The following CENPE variants were observed in gnomAD, a reference collection of about 807,000 sequenced individuals.
The protein encoded by CENPE is centromere-associated protein E.
A neutral mutation model predicts 336.1 loss-of-function variants in CENPE; 145 were observed. The observed-to-expected ratio is 0.43, with a 90% confidence interval of 0.38 to 0.50. The LOEUF is 0.50. Ranked by LOEUF, CENPE falls within the 20% of genes least tolerant of loss-of-function variation. CENPE has a pLI of 0.00. For synonymous variants in CENPE, 1,013 were observed against 984.8 expected (o/e 1.03, Z -0.54); for missense variants, 2,719 against 3,023.3 (o/e 0.90, Z 2.36).
Position 103,174,784 on chromosome 4 carries a change from A to G in CENPE, c.1599T>C (p.Asp533=), listed in dbSNP as rs751019979. Residue 533 remains aspartate, a synonymous_variant, in exon 16 of 49, where the codon GAT becomes GAC. Transcript: ENST00000265148. ...EMELKLKEKN[D]LDEFEALERK... ...TTTCTAGAGCCTCAAATTCATCCAA[A>G]TCATTCTTTTCTTTTAATTTCAATT... 4 of 1,555,742 alleles carry G rather than the reference A, an allele frequency of 2.6e-6. No individual in the cohort carries two copies. Among genetic ancestry groups the G allele is most frequent in the Non-Finnish European group, 3.5e-6 (4 of 1,151,700 alleles).
At chr4:103,122,793 T>C (rs1173594040) in intron 43 of CENPE, 78 bp downstream of exon 43, 1 of 1,046,108 alleles carries the variant, frequency 9.6e-7, no homozygotes, top group Non-Finnish European at 1.5e-6. Flanking sequence ...TGTTCAGTAA[T>C]AAGTAAATAC....
chr4:103,115,921 C>A (rs1022608516), intron 45 of CENPE, among the ~76,000 whole-genome samples: 8 of 151,886 alleles, frequency 5.3e-5, no homozygotes, highest in Middle Eastern at 3.4e-3. Flanking sequence ...TTAGTAGAGG[C>A]GGGGTTTCAC....
intron 46 of CENPE, 43 bp from the exon 47 acceptor site, chr4:103,111,054 C>A: frequency 1.4e-6 from 2 of 1,388,516 alleles, no homozygotes; most frequent in South Asian, 2.8e-5. Flanking sequence ...TTTTAATTGT[C>A]TCCAAAGTTC....
chr4:103,159,445 G>A, intron 21 of CENPE, 121 bp from the exon 22 acceptor site: 1 of 574,402 alleles, frequency 1.7e-6, no homozygotes, highest in Non-Finnish European at 2.9e-6. Flanking sequence ...AAATTTGACT[G>A]TGGAAAGGCA....
intron 16 of CENPE, among the ~76,000 whole-genome samples, chr4:103,170,808 A>G (rs556950394): frequency 1.1e-3 from 160 of 152,308 alleles, no homozygotes; most frequent in African/African-American, 3.7e-3. Flanking sequence ...TTCACCTGTA[A>G]GGATACAAAT....
chr4:103,142,607 CAATCTT>C (rs1156309803), intron 34 of CENPE, among the ~76,000 whole-genome samples: 1 of 152,150 alleles, frequency 6.6e-6, no homozygotes, highest in Non-Finnish European at 1.5e-5. Flanking sequence ...GCTTCTGAGT[CAATCTT>C]AATTTCTGCG....
At position 103,177,003 on chromosome 4, in the gene CENPE, T is replaced by C; in HGVS notation, c.1286A>G (p.Asn429Ser). 2 of 1,609,122 alleles carry C rather than the reference T, an allele frequency of 1.2e-6. No individual in the cohort carries two copies. Among genetic ancestry groups the C allele is most frequent in the Non-Finnish European group, 1.7e-6 (2 of 1,178,424 alleles). Residue 429 changes from asparagine (N) to serine (S), a missense_variant, in exon 14 of 49, where the codon AAC becomes AGC. Transcript: ENST00000265148. ...TGCATAGTTTGAGTTCTTCATTTTG[T>C]TAATTTTGCCAAGGCACCAAGTAAC... ...RRVTWCLGKI[N>S]KMKNSNYADQ...
Position 103,140,413 on chromosome 4 carries a change from T to A in CENPE, c.5756A>T (p.Asp1919Val), listed in dbSNP as rs1185849188. 3 of 1,572,988 alleles carry A rather than the reference T, an allele frequency of 1.9e-6. No individual in the cohort carries two copies. The East Asian group carries it at 6.8e-5, about 36-fold the overall frequency. ...KESLQETKAR[D>V]LEIQQELKTA... Reference sequence around the variant, plus strand: ...TTTTAGTTCCTGTTGTATTTCCAGATCCTTTATGGTTAGAAGAAATCAAGA... The same window carrying A: ...TTTTAGTTCCTGTTGTATTTCCAGAACCTTTATGGTTAGAAGAAATCAAGA... The change falls in exon 37 of 49, where the codon GAT becomes GTT. Residue 1919 changes from aspartate (D) to valine (V), a missense_variant and splice_region_variant. This residue lies in a region of CENPE where 2,437 missense variants were observed against 2,513.3 expected (regional missense o/e 0.97). Coordinates refer to ENST00000265148, the MANE Select transcript of CENPE (RefSeq NM_001813.3).
At position 103,144,603 on chromosome 4, in the gene CENPE, C is replaced by T; in HGVS notation, c.4873G>A (p.Glu1625Lys). ...EIVAKMKESQ[E>K]KEYQFLKMTA... ...ATCTTAAGAAACTGATATTCTTTTT[C>T]TTGAGATTCTTTCATCTGAGAAAAT... is the stretch of plus-strand genomic sequence containing the variant. The change falls in exon 33 of 49, where the codon GAA becomes AAA. Residue 1625 changes from glutamate to lysine, a missense_variant. This residue lies in a region of CENPE where 2,437 missense variants were observed against 2,513.3 expected (regional missense o/e 0.97). Transcript: ENST00000265148. The T allele has an allele frequency of 6.2e-7, 1 of 1,603,374 alleles. No homozygotes were observed. Among genetic ancestry groups the T allele is most frequent in the East Asian group, 2.2e-5 (1 of 44,780 alleles).
chr4:103,189,963 T>C (rs1359821883), intron 8 of CENPE, among the ~76,000 whole-genome samples: 2 of 152,168 alleles, frequency 1.3e-5, no homozygotes, highest in Admixed American at 6.5e-5. Flanking sequence ...ACAAAATCAA[T>C]GTGCAAAAAT....
intron 1 of CENPE, among the ~76,000 whole-genome samples, chr4:103,197,629 G>A (rs1337439435): frequency 6.6e-6 from 1 of 152,234 alleles, no homozygotes; most frequent in African/African-American, 2.4e-5. Context: ...CCAGAAGCTA[G>A]TGAAGCAAAC....
intron 9 of CENPE, among the ~76,000 whole-genome samples, chr4:103,185,291 TGA>T (rs1756667532): frequency 6.9e-6 from 1 of 144,724 alleles, no homozygotes; most frequent in African/African-American, 2.6e-5. Flanking sequence ...GGAGACAGAG[TGA>T]GAGTCTGCCT....
At chr4:103,166,559 A>G (rs1358009846) in intron 16 of CENPE, among the ~76,000 whole-genome samples, 1 of 152,204 alleles carries the variant, frequency 6.6e-6, no homozygotes, top group African/African-American at 2.4e-5. Context: ...AATAATTTTA[A>G]TTTGTAGGTA....
At chr4:103,157,074 A>C (rs970422960) in intron 24 of CENPE, among the ~76,000 whole-genome samples, 3 of 151,780 alleles carry the variant, frequency 2.0e-5, no homozygotes, top group East Asian at 1.9e-4. Context: ...AAAAAAAAAA[A>C]AAAAAACAGA....
chr4:103,161,475 G>T lies in CENPE; in HGVS notation c.1843-18C>A, dbSNP rs747370826. ...ATGCTTTCCTAGACAGATGACAAAAGGGGTTCACTGAAATCTAATTTTCAC... is the reference window on the plus strand; with the variant it reads ...ATGCTTTCCTAGACAGATGACAAAATGGGTTCACTGAAATCTAATTTTCAC... On this transcript the variant is annotated intron_variant, in intron 18 of 48. Coordinates refer to ENST00000265148, the MANE Select transcript of CENPE (RefSeq NM_001813.3). The T allele has an allele frequency of 6.5e-7, 1 of 1,541,532 alleles. No individual in the cohort carries two copies. Among genetic ancestry groups the T allele is most frequent in the Non-Finnish European group, 8.7e-7 (1 of 1,150,464 alleles).
chr4:103,170,994 A>AAT (rs2125996625), intron 16 of CENPE, among the ~76,000 whole-genome samples: 1 of 152,302 alleles, frequency 6.6e-6, no homozygotes, highest in Non-Finnish European at 1.5e-5. Flanking sequence ...AACAATTGTA[A>AAT]ATATATATGC....
Position 103,149,005 on chromosome 4 carries a change from C to A in CENPE, c.3688-6G>T, listed in dbSNP as rs372954024. ...TCTTCTTTGGTTTGTAGGCCCTTGGCGAGTGAAATTTAAAGAATATTGTAA... is the reference window on the plus strand; with the variant it reads ...TCTTCTTTGGTTTGTAGGCCCTTGGAGAGTGAAATTTAAAGAATATTGTAA... On this transcript the variant is annotated splice_region_variant and splice_polypyrimidine_tract_variant and intron_variant, in intron 27 of 48. Transcript: ENST00000265148. The A allele has an allele frequency of 1.0e-5, 16 of 1,608,018 alleles. No individual in the cohort carries two copies. The African/African-American group carries it at 2.2e-4, about 22-fold the overall frequency.
At chr4:103,169,568 C>A (rs750319838) in intron 16 of CENPE, among the ~76,000 whole-genome samples, 1 of 152,078 alleles carries the variant, frequency 6.6e-6, no homozygotes, top group East Asian at 1.9e-4. Flanking sequence ...AAGGGAGTTC[C>A]ATTATGGTTA....
At chr4:103,128,991 G>T (rs1394186031) in intron 42 of CENPE, among the ~76,000 whole-genome samples, 2 of 151,944 alleles carry the variant, frequency 1.3e-5, no homozygotes, top group Non-Finnish European at 2.9e-5. Context: ...AAAAGAAAAA[G>T]AATACAAATT....
Sources: gnomAD v4.1 joint callset for allele counts (sites outside exome capture counted in the v4.1 genomes callset) on GRCh38, gnomAD v4.1.1 for gene constraint, gnomAD v4.1.1 regional missense constraint, MANE v1.5 for transcripts, NCBI Gene and HGNC (gene_info 2026-07-23, HGNC 2026-07-21) for gene names.